The following PPP4R3A variants were observed in gnomAD, a reference collection of about 807,000 sequenced individuals.
PPP4R3A encodes the protein serine/threonine-protein phosphatase 4 regulatory subunit 3A.
PPP4R3A carries 15 observed loss-of-function variants against 91.7 expected under a neutral mutation model. The observed-to-expected ratio is 0.16, with a 90% CI of 0.11 to 0.25. The LOEUF (loss-of-function observed/expected upper bound fraction) is 0.25. Ranked by LOEUF, PPP4R3A falls within the 10% of genes least tolerant of loss-of-function variation. PPP4R3A has a pLI of 1.00. For synonymous variants in PPP4R3A, 377 were observed against 348.7 expected, an observed-to-expected ratio of 1.08 and a Z score of -0.91; for missense variants, 623 against 998.4, an observed-to-expected ratio of 0.62 and a Z score of 5.07.
At chr14:91,468,487 T>C (rs1325095741) in intron 10 of PPP4R3A, among the ~76,000 whole-genome samples, 2 of 151,786 alleles carry the variant, frequency 1.3e-5, no homozygotes, top group African/African-American at 2.4e-5. Context: ...CTGACCAACA[T>C]GGTGAAACCC....
Position 91,475,905 on chromosome 14 carries a change from T to C in PPP4R3A, c.1172A>G (p.Tyr391Cys). 1 of 1,613,260 alleles carries C rather than the reference T, an allele frequency of 6.2e-7. No individual in the cohort carries two copies. The highest frequency in any genetic ancestry group is 2.2e-5 in the East Asian group (1 of 44,824). ...AAACTCTCGTACCATGGATGGATTA[T>C]ATTCAACCAAGTATGAGAATATATC... ...ATDIFSYLVE[Y>C]NPSMVREFVM... Residue 391 changes from tyrosine to cysteine, a missense_variant, in exon 7 of 15, where the codon TAT (tyrosine) becomes TGT (cysteine). Physicochemically the swap from Tyr to Cys is radical, Grantham distance 194. Around this residue, in one of 5 missense-constraint regions of PPP4R3A, gnomAD observed 264 missense variants for 377.3 expected, o/e 0.70. Transcript: ENST00000554943.
Position 91,461,669 on chromosome 14 carries a change from G to T in PPP4R3A, c.2165-62C>A, listed in dbSNP as rs767047524. ...ACTTCTTTTTTAAATTTCCCCAAATGAGGTAACACTAAAACACATTTAACT... is the reference window on the plus strand; with the variant it reads ...ACTTCTTTTTTAAATTTCCCCAAATTAGGTAACACTAAAACACATTTAACT... On this transcript the variant is annotated intron_variant, in intron 13 of 14. Transcript: ENST00000554943. 8 of 1,500,864 alleles carry T rather than the reference G, an allele frequency of 5.3e-6. No individual in the cohort carries two copies. In the African/African-American group the frequency reaches 9.7e-5, roughly 18 times the overall value. The allele number at this position is 1,500,864 out of a possible 1,614,324, so 93.0% of individuals were successfully genotyped here. A position where few individuals can be genotyped will look rare whatever the true frequency, so the allele number is the denominator to read the frequency against.
At chr14:91,468,735 AC>A (rs923511333) in intron 10 of PPP4R3A, among the ~76,000 whole-genome samples, 20 of 106,730 alleles carry the variant, frequency 1.9e-4, no homozygotes, top group African/African-American at 6.2e-4. Flanking sequence ...CACATGCCAC[AC>A]TTTTTTTTTT....
At chr14:91,504,338 A>G (rs1891148680) in intron 1 of PPP4R3A, among the ~76,000 whole-genome samples, 1 of 150,088 alleles carries the variant, frequency 6.7e-6, no homozygotes, top group East Asian at 2.0e-4. Context: ...AAAAAAAAAA[A>G]AAAGAAAAGA....
chr14:91,460,637 C>CTTTTTTTTTT (rs573677740), intron 14 of PPP4R3A, among the ~76,000 whole-genome samples: 6 of 111,276 alleles, frequency 5.4e-5, no homozygotes, highest in Middle Eastern at 0.014. Context: ...GATTTTGTTC[C>CTTTTTTTTTT]TTTTTTTTTT....
At chr14:91,484,852 A>G (rs975499640) in intron 3 of PPP4R3A, among the ~76,000 whole-genome samples, 4 of 152,228 alleles carry the variant, frequency 2.6e-5, no homozygotes, top group African/African-American at 9.6e-5. Flanking sequence ...TAAGAAGTGT[A>G]TAACAAGAGC....
At chr14:91,459,872 TAA>T (rs1450268946) in intron 14 of PPP4R3A, among the ~76,000 whole-genome samples, 2 of 151,210 alleles carry the variant, frequency 1.3e-5, no homozygotes, top group African/African-American at 4.9e-5. Flanking sequence ...CTGCAGCAGA[TAA>T]AGAGACCACC....
intron 1 of PPP4R3A, among the ~76,000 whole-genome samples, chr14:91,493,586 C>T (rs1283326027): frequency 2.7e-5 from 4 of 150,042 alleles, no homozygotes; most frequent in Non-Finnish European, 5.9e-5. Context: ...TTGAGGCTAG[C>T]CTGGTCTCAT....
chr14:91,503,920 G>A (rs1193265428), intron 1 of PPP4R3A, among the ~76,000 whole-genome samples: 1 of 152,074 alleles, frequency 6.6e-6, no homozygotes, highest in Admixed American at 6.6e-5. Flanking sequence ...AAAACTGAGA[G>A]AAATAAGGTA....
Position 91,473,506 on chromosome 14 carries a change from T to C in PPP4R3A, c.1267-136A>G, listed in dbSNP as rs1001685838. 3.4e-5 allele frequency: 30 copies of C among 895,274 alleles called. No homozygotes were observed. In the Middle Eastern group the frequency reaches 1.0e-3, roughly 31 times the overall value. The allele number at this position is 895,274 out of a possible 1,614,324, so 55.5% of individuals were successfully genotyped here. Reference sequence around the variant, plus strand: ...CTGCAAAGTGAAATGTTTAACTCAGTTATCTGACAGGACATATGACAGTGT... The same window carrying C: ...CTGCAAAGTGAAATGTTTAACTCAGCTATCTGACAGGACATATGACAGTGT... On this transcript the variant is annotated intron_variant, in intron 7 of 14. Transcript: ENST00000554943.
chr14:91,479,687 G>A (rs562670049), intron 4 of PPP4R3A, among the ~76,000 whole-genome samples: 15 of 152,130 alleles, frequency 9.9e-5, no homozygotes, highest in Admixed American at 3.3e-4. Context: ...GATTACAGGC[G>A]TCCACCATCA....
At chr14:91,491,593 G>T (rs112548392) in intron 1 of PPP4R3A, among the ~76,000 whole-genome samples, 2,284 of 151,852 alleles carry the variant, frequency 0.015, 40 homozygotes, top group East Asian at 0.051. Context: ...TTTTAGTAGA[G>T]ATGGTGTTTC....
chr14:91,504,896 A>T (rs976476006), intron 1 of PPP4R3A, among the ~76,000 whole-genome samples: 1 of 152,182 alleles, frequency 6.6e-6, no homozygotes, highest in Non-Finnish European at 1.5e-5. Context: ...CCTAACAAGA[A>T]CTGAGCCTAC....
chr14:91,462,012 G>A (rs766178646), intron 13 of PPP4R3A, 37 bp downstream of exon 13: 14 of 1,458,126 alleles, frequency 9.6e-6, no homozygotes, highest in Non-Finnish European at 1.3e-5. Context: ...GAGTAAGAAA[G>A]CCTTAATTTT....
At chr14:91,494,309 G>T (rs941276778) in intron 1 of PPP4R3A, among the ~76,000 whole-genome samples, 2 of 151,964 alleles carry the variant, frequency 1.3e-5, no homozygotes, top group Non-Finnish European at 2.9e-5. Context: ...AGAAAAAATT[G>T]GGCATCACAA....
chr14:91,463,615 T>A (rs1595049148), intron 11 of PPP4R3A, among the ~76,000 whole-genome samples: 2 of 151,898 alleles, frequency 1.3e-5, no homozygotes, highest in South Asian at 4.2e-4. Flanking sequence ...TAACAAAAAA[T>A]TTTTGTAGAG....
rs921199961 is a variant in PPP4R3A, at chr14:91,458,407, A to G, written c.*352T>C. On this transcript the variant is annotated 3_prime_UTR_variant, in exon 15 of 15. Transcript: ENST00000554943. ...GAAAGGCCCATTCTTCTGAGTCTCA[A>G]ACATGGTCCAAGAAAGCATATTCTG... is the stretch of plus-strand genomic sequence containing the variant. The G allele has an allele frequency of 9.7e-6, 3 of 309,150 alleles. No homozygotes were observed. Among genetic ancestry groups the G allele is most frequent in the Non-Finnish European group, 1.9e-5 (3 of 160,226 alleles). The allele number at this position is 309,150 out of a possible 1,614,324, so 19.2% of individuals were successfully genotyped here.
Position 91,485,671 on chromosome 14 carries a change from T to C in PPP4R3A, c.258A>G (p.Glu86=). Residue 86 remains glutamate (E), a synonymous_variant, in exon 3 of 15, where the codon GAA becomes GAG. Coordinates refer to ENST00000554943, the MANE Select transcript of PPP4R3A (RefSeq NM_001366432.2). ...CCCAAATTTCATCACATCCAGCTTTTTCTTGAAAGCTAAGGGCCAAGTCAT... is the reference window on the plus strand; with the variant it reads ...CCCAAATTTCATCACATCCAGCTTTCTCTTGAAAGCTAAGGGCCAAGTCAT... ...ENYDLALSFQ[E]KAGCDEIWEK... The C allele has an allele frequency of 6.2e-7, 1 of 1,607,496 alleles. No homozygotes were observed. Among genetic ancestry groups the C allele is most frequent in the Non-Finnish European group, 8.5e-7 (1 of 1,179,818 alleles).
chr14:91,509,585 G>A lies in PPP4R3A; in HGVS notation c.63C>T (p.Asp21=). The A allele has an allele frequency of 6.2e-7, 1 of 1,603,104 alleles. No individual in the cohort carries two copies. Among genetic ancestry groups the A allele is most frequent in the Admixed American group, 1.7e-5 (1 of 59,882 alleles). The stretch of plus-strand genomic sequence containing the variant: ...CAGACGACACATGCCCGGTGCCCCG[G>A]TCGTCCCACTGCCGGTCCTCGTTGA... The part of the protein sequence containing the change: ...YTLNEDRQWD[D]RGTGHVSSGY... Residue 21 remains aspartate (D), a synonymous_variant, in exon 1 of 15, where the codon GAC becomes GAT. Transcript: ENST00000554943.
Sources: gnomAD v4.1 joint callset for allele counts (sites outside exome capture counted in the v4.1 genomes callset) on GRCh38, gnomAD v4.1.1 for gene constraint, gnomAD v4.1.1 regional missense constraint, MANE v1.5 for transcripts, NCBI Gene and HGNC (gene_info 2026-07-23, HGNC 2026-07-21) for gene names.